The following PRSS41 variants were observed in gnomAD, a reference collection of about 807,000 sequenced individuals.
PRSS41 encodes serine protease 41.
In PRSS41, 37 loss-of-function variants were observed where a neutral mutation model predicts 28.8. The ratio of observed to expected loss-of-function variants is 1.29; its 90% CI spans 0.99 to 1.69. The LOEUF (loss-of-function observed/expected upper bound fraction) is 1.69, where lower values mean the gene tolerates loss of function less well. Among genes scored for constraint, PRSS41 ranks in the 40% most tolerant of loss-of-function variants. PRSS41 has a pLI of 0.00. For synonymous variants in PRSS41, 195 were observed against 163.1 expected (o/e 1.20, Z -1.49); for missense variants, 431 against 400.7 (o/e 1.08, Z -0.65).
rs553165005 is a variant in PRSS41 at position 2,799,794 on chromosome 16, G to T, written c.541+225G>T. 3.3e-5 allele frequency among the ~76,000 whole-genome samples: 5 copies of T among 152,360 alleles called. No individual in the cohort carries two copies. In the East Asian group the frequency reaches 9.6e-4, roughly 29 times the overall value. ...CTTCCCCCTTCCAGGGACTGTGGGGGCCAGCAGGACAGTGTGAGAGGGAGG... is the reference window on the plus strand; with the variant it reads ...CTTCCCCCTTCCAGGGACTGTGGGGTCCAGCAGGACAGTGTGAGAGGGAGG... On this transcript the variant is annotated intron_variant, in intron 4 of 5. Transcript: ENST00000399677.
intron 3 of PRSS41, 33 bp from the exon 4 acceptor site, chr16:2,799,253 C>T: frequency 6.5e-7 from 1 of 1,547,090 alleles, no homozygotes; most frequent in Non-Finnish European, 8.7e-7. Flanking sequence ...CCCCCTATTC[C>T]AAGGCTCCCC....
At chr16:2,804,845 C>T in intron 5 of PRSS41, 69 bp from the exon 6 acceptor site, 1 of 1,230,208 alleles carries the variant, frequency 8.1e-7, no homozygotes, top group Admixed American at 2.0e-5. Context: ...CACAGCCCCT[C>T]CTGCTCTCAT....
chr16:2,802,107 G>T (rs1216748867), intron 4 of PRSS41, among the ~76,000 whole-genome samples: 2 of 147,470 alleles, frequency 1.4e-5, no homozygotes, highest in African/African-American at 5.0e-5. Context: ...CGGGCGGAGA[G>T]GCTCCTCACT....
Position 2,801,227 on chromosome 16 carries a change from C to T in PRSS41, c.541+1658C>T, listed in dbSNP as rs534192189. ...TCTCCCACCAATTCTGTCAATTTTG[C>T]TTTATATGTTTTGGCGATCTGTTGT... On this transcript the variant is annotated intron_variant, in intron 4 of 5. Coordinates refer to ENST00000399677, the Ensembl canonical transcript of PRSS41. Among the ~76,000 whole-genome samples the T allele has an allele frequency of 5.1e-4, 77 of 152,060 alleles. 2 individuals carry two copies. The highest frequency in any genetic ancestry group is 1.9e-3 in the South Asian group (9 of 4,814).
chr16:2,800,170 G>A (rs1384622955), intron 4 of PRSS41, among the ~76,000 whole-genome samples: 2 of 152,132 alleles, frequency 1.3e-5, no homozygotes, highest in Admixed American at 6.5e-5. Flanking sequence ...CTAAATACCA[G>A]AGCAGTTGTA....
intron 2 of PRSS41, 42 bp from the exon 3 acceptor site, chr16:2,798,914 CCCA>C: frequency 6.8e-7 from 1 of 1,477,972 alleles, no homozygotes; most frequent in Non-Finnish European, 9.0e-7. Context: ...GCCTGCCCAC[CCCA>C]CCCCACCCGG....
At position 2,804,974 on chromosome 16, in the gene PRSS41, G is replaced by A. The variant is rs147763330; in HGVS notation, c.760G>A (p.Val254Met). ...TGGACTGTGGTATCAGGTTGGAATC[G>A]TGAGCTGGGGAATGGACTGCGGTCA... Residue 254 changes from valine to methionine, a missense_variant, in exon 6 of 6, where the codon GTG (valine) becomes ATG (methionine). Transcript: ENST00000399677. 2.3e-4 allele frequency: 362 copies of A among 1,587,348 alleles called. 3 individuals are homozygous for A. The East Asian group carries it at 6.9e-3, about 30-fold the overall frequency.
At chr16:2,798,810 C>G in intron 2 of PRSS41, 148 bp downstream of exon 2, 7 of 1,169,476 alleles carry the variant, frequency 6.0e-6, no homozygotes, top group Non-Finnish European at 8.0e-6. Context: ...CACTGCCCAC[C>G]ACGTGGGAGG....
chr16:2,799,934 G>C (rs2068975754), intron 4 of PRSS41, among the ~76,000 whole-genome samples: 2 of 152,242 alleles, frequency 1.3e-5, no homozygotes, highest in South Asian at 4.1e-4. Flanking sequence ...AAATTTTCAA[G>C]TGTTCAGTGT....
exon 4 of PRSS41, chr16:2,799,566 G>T: frequency 6.4e-7 from 1 of 1,551,330 alleles, no homozygotes; most frequent in Middle Eastern, 1.7e-4. Flanking sequence ...CAGCCCCAGT[G>T]GCAGTGAGGC....
intron 4 of PRSS41, among the ~76,000 whole-genome samples, chr16:2,802,724 A>C (rs949132396): frequency 1.3e-5 from 2 of 152,218 alleles, no homozygotes; most frequent in Non-Finnish European, 2.9e-5. Flanking sequence ...CACCAAAACC[A>C]GTCAGGCATG....
At position 2,798,679 on chromosome 16, in the gene PRSS41, G is replaced by T; in HGVS notation, c.91+17G>T. ...TGTTGTCAGGTAGGGCGCCCAGGACGCGCGATGCCAGCCAGGGCGGCTGGG... is the reference window on the plus strand; with the variant it reads ...TGTTGTCAGGTAGGGCGCCCAGGACTCGCGATGCCAGCCAGGGCGGCTGGG... On this transcript the variant is annotated intron_variant, in intron 2 of 5. Transcript: ENST00000399677. 6.9e-7 allele frequency: 1 copy of T among 1,455,324 alleles called. No individual in the cohort carries two copies. 90.2% of individuals were successfully genotyped at this position (1,455,324 alleles called of 1,614,324 possible).
chr16:2,799,417 TTTTACGCAATGACA>T lies in PRSS41; in HGVS notation c.392_405del (p.Leu131CysfsTer68), dbSNP rs1199904066. On this transcript the variant is annotated frameshift_variant, in exon 4 of 6. Coordinates refer to ENST00000399677, the Ensembl canonical transcript of PRSS41. LOFTEE classifies it high-confidence loss of function. ...ATTGTGAACCCTGACGCACTTGGGGTTTTACGCAATGACATTGCCCTGCTGAGACTGGCCTCTTC... is the reference window on the plus strand; with the variant it reads ...ATTGTGAACCCTGACGCACTTGGGGTTTGCCCTGCTGAGACTGGCCTCTTC... 7.1e-6 allele frequency: 11 copies of T among 1,551,880 alleles called. No individual in the cohort carries two copies. Among genetic ancestry groups the T allele is most frequent in the Non-Finnish European group, 9.6e-6 (11 of 1,147,032 alleles).
chr16:2,803,826 TTC>T (rs2069004188), intron 4 of PRSS41, among the ~76,000 whole-genome samples: 1 of 152,232 alleles, frequency 6.6e-6, no homozygotes, highest in Non-Finnish European at 1.5e-5. Flanking sequence ...GGTTGACTGT[TTC>T]TGTTAATCTT....
exon 5 of PRSS41, chr16:2,804,396 G>A (rs1370428832): frequency 1.3e-6 from 2 of 1,551,362 alleles, no homozygotes; most frequent in Admixed American, 3.9e-5. Flanking sequence ...CAGCACCTCT[G>A]CCACCTCCTT....
intron 5 of PRSS41, 142 bp downstream of exon 5, chr16:2,804,688 A>C: frequency 2.2e-6 from 2 of 919,772 alleles, no homozygotes; most frequent in Non-Finnish European, 3.3e-6. Flanking sequence ...TACTGAGCCT[A>C]CAAAATATGC....
chr16:2,804,744 C>T (rs990291915), intron 5 of PRSS41, among the ~76,000 whole-genome samples, 170 bp from the exon 6 acceptor site: 5 of 152,224 alleles, frequency 3.3e-5, no homozygotes, highest in African/African-American at 4.8e-5. Flanking sequence ...ACCCACCAAC[C>T]CCTGGAGGCT....
chr16:2,798,850 T>A, intron 2 of PRSS41, 109 bp from the exon 3 acceptor site: 1 of 1,302,606 alleles, frequency 7.7e-7, no homozygotes, highest in African/African-American at 1.6e-5. Flanking sequence ...TGGCGCGCGG[T>A]TCCCCGGGGA....
intron 4 of PRSS41, among the ~76,000 whole-genome samples, chr16:2,803,407 T>C (rs73481123): frequency 0.059 from 8,980 of 152,250 alleles, 716 homozygotes; most frequent in African/African-American, 0.18. Context: ...GAATTTATAC[T>C]AACTTAGCTT....
Sources: gnomAD v4.1 joint callset for allele counts (sites outside exome capture counted in the v4.1 genomes callset) on GRCh38, gnomAD v4.1.1 for gene constraint, MANE v1.5 for transcripts, NCBI Gene and HGNC (gene_info 2026-07-23, HGNC 2026-07-21) for gene names.